CCR3: variants seen among roughly 807,000 people sequenced by gnomAD.
CCR3 encodes the protein C-C chemokine receptor type 3.
For missense variants in CCR3, 419 were observed against 437.5 expected, an observed-to-expected ratio of 0.96 and a Z score of 0.38; for synonymous variants, 203 against 179.2, an observed-to-expected ratio of 1.13 and a Z score of -1.06.
In CCR3 at chr3:46,265,733, T is replaced by C; in HGVS notation, c.575T>C (p.Val192Ala). ...LCSALYPEDT[V>A]YSWRHFHTLR... ...AGTGCTCTTTACCCAGAGGATACAG[T>C]ATATAGCTGGAGGCATTTCCACACT... The change falls in exon 2 of 2, where the codon GTA becomes GCA. Residue 192 changes from valine to alanine, a missense_variant. By Grantham distance (64) the Val-to-Ala change is moderately conservative. Coordinates refer to ENST00000395940, the MANE Select transcript of CCR3 (RefSeq NM_178329.3). 1 of 1,613,814 alleles carries C rather than the reference T, an allele frequency of 6.2e-7. No homozygotes were observed. The highest frequency in any genetic ancestry group is 8.5e-7 in the Non-Finnish European group (1 of 1,179,934).
chr3:46,241,011 C>A (rs1375260689), upstream of CCR3, among the ~76,000 whole-genome samples: 1 of 152,132 alleles, frequency 6.6e-6, no homozygotes, highest in Non-Finnish European at 1.5e-5. Flanking sequence ...TATATTTGAG[C>A]ATTCTTGATA....
intron 1 of CCR3, among the ~76,000 whole-genome samples, chr3:46,247,215 T>C (rs568822566): frequency 1.2e-4 from 19 of 152,100 alleles, no homozygotes; most frequent in African/African-American, 3.9e-4. Context: ...AAACTGGCAG[T>C]GTAAACAAGA....
intron 1 of CCR3, among the ~76,000 whole-genome samples, chr3:46,255,246 G>T (rs892470515): frequency 6.6e-6 from 1 of 151,780 alleles, no homozygotes; most frequent in Non-Finnish European, 1.5e-5. Flanking sequence ...GGGATTATTT[G>T]TTTTTTTCTT....
chr3:46,219,503 CA>C (rs765312895), intron 2 of CCR3, among the ~76,000 whole-genome samples: 2 of 151,878 alleles, frequency 1.3e-5, no homozygotes, highest in African/African-American at 4.8e-5. Flanking sequence ...CATATGGAAC[CA>C]AAAAAGAGCC....
chr3:46,220,694 C>A (rs897558661), intron 2 of CCR3, among the ~76,000 whole-genome samples: 1 of 152,218 alleles, frequency 6.6e-6, no homozygotes, highest in Non-Finnish European at 1.5e-5. Context: ...AAAATAATGT[C>A]ATTCCCAGCA....
chr3:46,246,064 T>C (rs990847709), intron 1 of CCR3, among the ~76,000 whole-genome samples: 1 of 152,218 alleles, frequency 6.6e-6, no homozygotes, highest in African/African-American at 2.4e-5. Flanking sequence ...CTTCCTTCTA[T>C]AGTCTAGGTT....
chr3:46,224,623 G>C (rs1469018885), intron 2 of CCR3, among the ~76,000 whole-genome samples: 1 of 151,436 alleles, frequency 6.6e-6, no homozygotes, highest in Admixed American at 6.6e-5. Flanking sequence ...TGTAATCCCA[G>C]CTACTTGGGA....
At chr3:46,232,433 G>A (rs1187288389) in intron 2 of CCR3, among the ~76,000 whole-genome samples, 7 of 152,184 alleles carry the variant, frequency 4.6e-5, no homozygotes, top group Non-Finnish European at 8.8e-5. Context: ...GGTAGTAGAC[G>A]CATCCTAGAC....
intron 1 of CCR3, among the ~76,000 whole-genome samples, chr3:46,259,117 T>C (rs1326464159): frequency 6.6e-6 from 1 of 152,240 alleles, no homozygotes. Flanking sequence ...GATGTTCATA[T>C]ACAAGCTGTT....
intron 2 of CCR3, among the ~76,000 whole-genome samples, chr3:46,211,399 T>TATATATATA (rs1559522130): frequency 4.0e-5 from 5 of 126,302 alleles, no homozygotes; most frequent in African/African-American, 1.4e-4. Context: ...ATATATATAT[T>TATATATATA]TTTTGTAGAA....
chr3:46,264,436 A>C lies in CCR3; in HGVS notation c.-11-712A>C. ...TTGGAATAAGAATGCTGTTAAGAGC[A>C]CACAAGCCAGGTTCCTCAAGTCCGT... is the stretch of plus-strand genomic sequence containing the variant. On this transcript the variant is annotated intron_variant, in intron 1 of 1. Coordinates refer to ENST00000395940, the MANE Select transcript of CCR3 (RefSeq NM_178329.3). The C allele has an allele frequency of 2.6e-6, 4 of 1,528,412 alleles. No individual in the cohort carries two copies. The East Asian group carries it at 9.9e-5, about 38-fold the overall frequency. 94.7% of individuals were successfully genotyped at this position (1,528,412 alleles called of 1,614,324 possible).
intron 2 of CCR3, among the ~76,000 whole-genome samples, chr3:46,233,767 G>T (rs1187496596): frequency 6.6e-6 from 1 of 152,182 alleles, no homozygotes; most frequent in Non-Finnish European, 1.5e-5. Flanking sequence ...GTTTCCTTCA[G>T]GTTTGATGCC....
intron 2 of CCR3, among the ~76,000 whole-genome samples, chr3:46,232,388 G>T (rs550657110): frequency 1.3e-5 from 2 of 152,318 alleles, no homozygotes; most frequent in South Asian, 4.1e-4. Context: ...TGGGAAAGCC[G>T]GCAGAACCCC....
intron 1 of CCR3, among the ~76,000 whole-genome samples, chr3:46,246,620 G>A (rs572683348): frequency 6.6e-6 from 1 of 152,210 alleles, no homozygotes; most frequent in South Asian, 2.1e-4. Flanking sequence ...GTGGGGCAGG[G>A]CATATTCACT....
chr3:46,225,565 C>T (rs530556553), intron 2 of CCR3, among the ~76,000 whole-genome samples: 1 of 152,302 alleles, frequency 6.6e-6, no homozygotes, highest in South Asian at 2.1e-4. Context: ...TCTCTGCATC[C>T]TTGCCAGTGT....
At chr3:46,243,651 G>T (rs536769092) in intron 1 of CCR3, among the ~76,000 whole-genome samples, 3 of 152,288 alleles carry the variant, frequency 2.0e-5, no homozygotes, top group East Asian at 1.9e-4. Context: ...CATGGATGTG[G>T]TATAAGTTGA....
At chr3:46,254,359 C>T (rs1056928403) in intron 1 of CCR3, among the ~76,000 whole-genome samples, 7 of 152,076 alleles carry the variant, frequency 4.6e-5, no homozygotes, top group African/African-American at 1.7e-4. Flanking sequence ...ATTGTGCACA[C>T]AAAAGAACAG....
At chr3:46,258,169 TTA>T in intron 1 of CCR3, among the ~76,000 whole-genome samples, 1 of 152,340 alleles carries the variant, frequency 6.6e-6, no homozygotes, top group East Asian at 1.9e-4. Flanking sequence ...AAGTTTCTAG[TTA>T]TTCCTTTACT....
chr3:46,245,015 C>T (rs1338866987), intron 1 of CCR3, among the ~76,000 whole-genome samples: 1 of 152,156 alleles, frequency 6.6e-6, no homozygotes, highest in African/African-American at 2.4e-5. Context: ...CTTCAATAAT[C>T]CAAAATCATT....
Sources: gnomAD v4.1 joint callset for allele counts (sites outside exome capture counted in the v4.1 genomes callset) on GRCh38, gnomAD v4.1.1 for gene constraint, MANE v1.5 for transcripts, NCBI Gene and HGNC (gene_info 2026-07-23, HGNC 2026-07-21) for gene names.